The following TBXAS1 variants were observed in gnomAD, a reference collection of about 807,000 sequenced individuals.
TBXAS1 encodes the protein thromboxane A synthase 1.
In TBXAS1, 48 loss-of-function variants were observed where a neutral mutation model predicts 60.7. That is an observed-to-expected ratio of 0.79 (90% CI 0.63 to 1.01). The LOEUF is 1.01. TBXAS1 is among the 50% of genes least tolerant of loss of function. The probability of loss-of-function intolerance (pLI) is 0.00; values close to 1 mark genes in which losing one functional copy is unlikely to be tolerated. For synonymous variants in TBXAS1, 287 were observed against 269.7 expected (o/e 1.06, Z -0.63); for missense variants, 685 against 686.3 (o/e 1.00, Z 0.02).
chr7:139,919,775 G>A (rs982163142), intron 4 of TBXAS1, among the ~76,000 whole-genome samples: 6 of 152,166 alleles, frequency 3.9e-5, no homozygotes, highest in East Asian at 3.8e-4. Flanking sequence ...ATGGAATGCC[G>A]AGGTGTTGGT....
intron 1 of TBXAS1, among the ~76,000 whole-genome samples, chr7:139,857,590 G>A (rs988441605): frequency 2.0e-5 from 3 of 152,204 alleles, no homozygotes; most frequent in African/African-American, 7.2e-5. Context: ...AACACACGTT[G>A]TGTGTGTTTT....
intron 4 of TBXAS1, among the ~76,000 whole-genome samples, chr7:139,934,661 C>T (rs747157185): frequency 2.6e-5 from 4 of 152,152 alleles, no homozygotes; most frequent in Non-Finnish European, 2.9e-5. Flanking sequence ...TTGGTTTCTC[C>T]GGAAGCCTCT....
chr7:140,000,343 A>G (rs976894561), intron 9 of TBXAS1, among the ~76,000 whole-genome samples: 3 of 152,162 alleles, frequency 2.0e-5, no homozygotes, highest in African/African-American at 7.2e-5. Context: ...CATCTCTACA[A>G]ACAAACAAAA....
intron 8 of TBXAS1, among the ~76,000 whole-genome samples, chr7:139,958,878 A>G (rs771865414): frequency 2.0e-5 from 3 of 152,242 alleles, no homozygotes; most frequent in Admixed American, 6.5e-5. Context: ...GAAGCCTAAA[A>G]GGACAGAACA....
chr7:139,931,479 C>T (rs755366810), intron 4 of TBXAS1, among the ~76,000 whole-genome samples: 3 of 152,202 alleles, frequency 2.0e-5, no homozygotes, highest in East Asian at 1.9e-4. Flanking sequence ...AAAGACATAC[C>T]TGAGACTGGC....
intron 4 of TBXAS1, among the ~76,000 whole-genome samples, chr7:139,930,190 C>T (rs913662848): frequency 1.3e-5 from 2 of 152,206 alleles, no homozygotes; most frequent in African/African-American, 4.8e-5. Context: ...TGCAGGAGCC[C>T]AGTGCCAACT....
At chr7:139,923,351 G>C (rs1455354166) in intron 4 of TBXAS1, among the ~76,000 whole-genome samples, 1 of 152,042 alleles carries the variant, frequency 6.6e-6, no homozygotes, top group African/African-American at 2.4e-5. Context: ...ACGCAAGAGA[G>C]AGAAACAGAG....
intron 1 of TBXAS1, 133 bp from the exon 2 acceptor site, chr7:139,872,102 C>A: frequency 2.3e-6 from 2 of 886,588 alleles, no homozygotes; most frequent in Non-Finnish European, 3.6e-6. Context: ...TTTTTTGGTT[C>A]TTAGATGTGG....
chr7:139,875,712 G>A, intron 3 of TBXAS1, 75 bp downstream of exon 3: 1 of 1,538,826 alleles, frequency 6.5e-7, no homozygotes, highest in Non-Finnish European at 8.9e-7. Flanking sequence ...TTCACGTGTT[G>A]AACTGATATA....
chr7:139,914,213 T>A (rs930136970), intron 4 of TBXAS1, among the ~76,000 whole-genome samples: 8 of 151,272 alleles, frequency 5.3e-5, no homozygotes, highest in African/African-American at 1.7e-4. Context: ...AAAAAAAAAA[T>A]TTGGCAGAGA....
At chr7:140,012,486 G>A (rs1177424835) in intron 10 of TBXAS1, among the ~76,000 whole-genome samples, 2 of 148,210 alleles carry the variant, frequency 1.3e-5, no homozygotes, top group African/African-American at 2.5e-5. Flanking sequence ...TTTTTGAGAC[G>A]GAGTCTCGCT....
At chr7:139,922,468 C>G (rs188022789) in intron 4 of TBXAS1, among the ~76,000 whole-genome samples, 1 of 152,050 alleles carries the variant, frequency 6.6e-6, no homozygotes, top group African/African-American at 2.4e-5. Context: ...CCTGTTGAGT[C>G]TTTGCCCCCT....
At chr7:139,948,908 A>G (rs1313937752) in intron 5 of TBXAS1, among the ~76,000 whole-genome samples, 1 of 152,282 alleles carries the variant, frequency 6.6e-6, no homozygotes, top group Non-Finnish European at 1.5e-5. Context: ...ATTGGCCAAC[A>G]TACAGATTAT....
At chr7:139,946,871 C>T (rs995837678) in intron 5 of TBXAS1, among the ~76,000 whole-genome samples, 1 of 152,194 alleles carries the variant, frequency 6.6e-6, no homozygotes, top group African/African-American at 2.4e-5. Flanking sequence ...GGGAAGGAAA[C>T]CTACTAATTT....
chr7:139,863,696 AAG>A (rs1801138883), intron 1 of TBXAS1, among the ~76,000 whole-genome samples: 1 of 152,234 alleles, frequency 6.6e-6, no homozygotes, highest in Non-Finnish European at 1.5e-5. Flanking sequence ...CTAATAACTT[AAG>A]AAGTTAAAAG....
In TBXAS1 at chr7:139,915,608, G is replaced by A. The variant is rs76859346; in HGVS notation, c.333+4287G>A. On this transcript the variant is annotated intron_variant, in intron 4 of 12. Transcript: ENST00000448866. ...GTCCCTGGACAGCCTGGTGGAGAAG[G>A]GCCCTGATTTGGGAAGCTGGATTTA... 4.9e-4 allele frequency among the ~76,000 whole-genome samples: 74 copies of A among 152,264 alleles called. 1 individual carries two copies. In the East Asian group the frequency reaches 0.013, roughly 27 times the overall value.
At chr7:139,839,769 T>C (rs1225552705) in intron 1 of TBXAS1, among the ~76,000 whole-genome samples, 1 of 150,712 alleles carries the variant, frequency 6.6e-6, no homozygotes, top group Non-Finnish European at 1.5e-5. Context: ...GGTCGGAGGA[T>C]CTCTTGAGCC....
chr7:139,866,626 C>T (rs7796194), intron 1 of TBXAS1, among the ~76,000 whole-genome samples: 9,582 of 150,760 alleles, frequency 0.064, 882 homozygotes, highest in African/African-American at 0.2. Context: ...CCTGTGGTTG[C>T]GCACACCTGT....
In TBXAS1 at chr7:139,902,442, C is replaced by A. The variant is rs553844381; in HGVS notation, c.237-8783C>A. 4.6e-5 allele frequency among the ~76,000 whole-genome samples: 7 copies of A among 152,204 alleles called. No individual in the cohort carries two copies. The East Asian group carries it at 1.2e-3, about 25-fold the overall frequency. ...TCCAAATTTGTGCATGTAACAATAGCTTGTTCTTTTTTAAATTGCTGCATA... is the reference window on the plus strand; with the variant it reads ...TCCAAATTTGTGCATGTAACAATAGATTGTTCTTTTTTAAATTGCTGCATA... On this transcript the variant is annotated intron_variant, in intron 3 of 12. Coordinates refer to ENST00000448866, the MANE Select transcript of TBXAS1 (RefSeq NM_001061.7).
Sources: allele counts gnomAD v4.1 joint callset (sites outside exome capture counted in the v4.1 genomes callset), GRCh38; gene constraint gnomAD v4.1.1; transcripts MANE v1.5; gene names NCBI Gene and HGNC (gene_info 2026-07-23, HGNC 2026-07-21).